DOCK9: variants seen among roughly 807,000 people sequenced by gnomAD.
DOCK9 encodes dedicator of cytokinesis protein 9.
In DOCK9, 89 loss-of-function variants were observed where a neutral mutation model predicts 263.3. The ratio of observed to expected loss-of-function variants is 0.34; its 90% CI spans 0.28 to 0.40. DOCK9 has a LOEUF of 0.40. DOCK9 is among the 10% of genes least tolerant of loss of function. DOCK9 has a pLI of 1.00. For synonymous variants in DOCK9, 976 were observed against 973.1 expected (o/e 1.00, Z -0.06); for missense variants, 2,140 against 2,603.4 (o/e 0.82, Z 3.87).
chr13:99,075,682 CT>C (rs5806093), intron 1 of DOCK9, among the ~76,000 whole-genome samples: 37,495 of 148,462 alleles, frequency 0.25, 4,611 homozygotes, highest in Middle Eastern at 0.36. Context: ...CTATTTATAA[CT>C]TTTTTTTTTT....
At chr13:98,907,479 T>A (rs927093336) in intron 9 of DOCK9, among the ~76,000 whole-genome samples, 1 of 152,096 alleles carries the variant, frequency 6.6e-6, no homozygotes, top group Non-Finnish European at 1.5e-5. Flanking sequence ...CAAATAGGAA[T>A]GCAGACACAA....
intron 1 of DOCK9, among the ~76,000 whole-genome samples, chr13:99,064,262 A>C (rs1404334867): frequency 1.3e-5 from 2 of 152,222 alleles, no homozygotes; most frequent in Non-Finnish European, 2.9e-5. Context: ...GAAAATAATG[A>C]AACAGAGAGA....
Position 98,836,628 on chromosome 13 carries a change from T to C in DOCK9, c.4314+866A>G, listed in dbSNP as rs371163921. The stretch of plus-strand genomic sequence containing the variant: ...TTTTCTTTAAGCTCTCATTTCCCAG[T>C]CTCTCAACTGGGCTCCTAGTAATGA... On this transcript the variant is annotated intron_variant, in intron 39 of 52. Coordinates refer to ENST00000682017, the MANE Select transcript of DOCK9 (RefSeq NM_001366683.2). 2.0e-5 allele frequency among the ~76,000 whole-genome samples: 3 copies of C among 152,204 alleles called. No individual in the cohort carries two copies. The East Asian group carries it at 5.8e-4, about 29-fold the overall frequency.
chr13:99,035,623 A>C (rs1887792509), intron 1 of DOCK9, among the ~76,000 whole-genome samples: 1 of 152,226 alleles, frequency 6.6e-6, no homozygotes, highest in Non-Finnish European at 1.5e-5. Context: ...TGGGACCCCA[A>C]AATGGTAGAG....
Position 98,824,729 on chromosome 13 carries a change from T to A in DOCK9, c.5024-225A>T, listed in dbSNP as rs184904186. 2.1e-4 allele frequency among the ~76,000 whole-genome samples: 32 copies of A among 152,356 alleles called. No individual in the cohort carries two copies. The East Asian group carries it at 6.2e-3, about 29-fold the overall frequency. The stretch of plus-strand genomic sequence containing the variant: ...ACTTTCTTTTCCTTATCCCTTTTTA[T>A]CTACCTTTATTAAAATGTATGCAAT... On this transcript the variant is annotated intron_variant, in intron 44 of 52. Transcript: ENST00000682017.
intron 1 of DOCK9, among the ~76,000 whole-genome samples, chr13:99,067,979 C>T (rs779471354): frequency 1.3e-5 from 2 of 151,488 alleles, no homozygotes; most frequent in Non-Finnish European, 2.9e-5. Flanking sequence ...AAATAGAGTT[C>T]CCTAAGCCTA....
At chr13:98,992,574 T>C (rs988562793) in intron 1 of DOCK9, among the ~76,000 whole-genome samples, 2 of 152,214 alleles carry the variant, frequency 1.3e-5, no homozygotes, top group African/African-American at 4.8e-5. Flanking sequence ...GTTTTTCCCC[T>C]GCTGTTCTCA....
In DOCK9 at chr13:98,853,499, T is replaced by G. The variant is rs2093626545; in HGVS notation, c.3855A>C (p.Gly1285=). The G allele has an allele frequency of 6.2e-7, 1 of 1,613,516 alleles. No homozygotes were observed. The highest frequency in any genetic ancestry group is 8.5e-7 in the Non-Finnish European group (1 of 1,179,742). ...LDKHQQSSTL[G]NSVVRCDKLD... is the part of the protein sequence containing the mutation. The stretch of plus-strand genomic sequence containing the variant: ...GTTTATCACAGCGAACCACGGAATT[T>G]CCCAATGTGCTACTTTGTTGGTGCT... Residue 1285 remains glycine, a synonymous_variant, in exon 35 of 53, where the codon GGA becomes GGC. Coordinates refer to ENST00000682017, the MANE Select transcript of DOCK9 (RefSeq NM_001366683.2).
chr13:98,906,425 C>T (rs781087136), intron 9 of DOCK9, among the ~76,000 whole-genome samples: 4 of 152,176 alleles, frequency 2.6e-5, no homozygotes, highest in Non-Finnish European at 5.9e-5. Flanking sequence ...TCATCTCCAT[C>T]TTTATGATTT....
At chr13:98,943,010 A>G (rs2056190036) in intron 2 of DOCK9, among the ~76,000 whole-genome samples, 1 of 152,034 alleles carries the variant, frequency 6.6e-6, no homozygotes, top group Non-Finnish European at 1.5e-5. Context: ...TTCCTTCGGG[A>G]CTTGTCTTAG....
chr13:98,868,425 A>T, intron 27 of DOCK9, 48 bp from the exon 28 acceptor site: 1 of 1,544,598 alleles, frequency 6.5e-7, no homozygotes, highest in Non-Finnish European at 8.8e-7. Context: ...AGTTGCAATC[A>T]TTTGGGAGGA....
At chr13:99,064,522 C>A (rs1469438202) in intron 1 of DOCK9, among the ~76,000 whole-genome samples, 1 of 152,126 alleles carries the variant, frequency 6.6e-6, no homozygotes, top group African/African-American at 2.4e-5. Flanking sequence ...TAAAAATGAA[C>A]CGGGGCCCCC....
At chr13:99,005,040 G>C (rs1883078044) in intron 1 of DOCK9, among the ~76,000 whole-genome samples, 1 of 151,374 alleles carries the variant, frequency 6.6e-6, no homozygotes, top group African/African-American at 2.4e-5. Context: ...ATTTTGCTGG[G>C]ACTTCTTTTG....
intron 1 of DOCK9, among the ~76,000 whole-genome samples, chr13:99,007,603 C>T (rs1034367513): frequency 6.6e-6 from 1 of 152,026 alleles, no homozygotes; most frequent in Non-Finnish European, 1.5e-5. Context: ...GGGTGAAGAC[C>T]TCTCAGAACA....
chr13:99,040,325 T>C (rs956850103), intron 1 of DOCK9, among the ~76,000 whole-genome samples: 43 of 152,274 alleles, frequency 2.8e-4, no homozygotes, highest in African/African-American at 9.9e-4. Context: ...GGCATTTTGT[T>C]ACAGCAGCCC....
At chr13:98,955,304 G>T in intron 2 of DOCK9, 131 bp downstream of exon 2, 1 of 580,478 alleles carries the variant, frequency 1.7e-6, no homozygotes, top group Non-Finnish European at 2.7e-6. Flanking sequence ...GCGTGACAGA[G>T]CAAGACTGTG....
chr13:98,814,990 TAAAATAAC>T (rs2091713010), intron 45 of DOCK9, among the ~76,000 whole-genome samples: 1 of 148,314 alleles, frequency 6.7e-6, no homozygotes, highest in Non-Finnish European at 1.5e-5. Context: ...TAAAATAAAA[TAAAATAAC>T]CTTAATTTTT....
Position 98,831,468 on chromosome 13 carries a change from G to T in DOCK9, c.4515C>A (p.Leu1505=). 6.3e-7 allele frequency: 1 copy of T among 1,595,092 alleles called. No individual in the cohort carries two copies. The highest frequency in any genetic ancestry group is 2.3e-5 in the East Asian group (1 of 44,268). The change falls in exon 41 of 53, where the codon CTC becomes CTA. Residue 1505 remains leucine, a synonymous_variant. Coordinates refer to ENST00000682017, the MANE Select transcript of DOCK9 (RefSeq NM_001366683.2). ...AGCTCAGCTTGGAGTTACAGCACTT[G>T]AGAATCTCGTAACACAGAGCCGCAC... ...DMCAALCYEI[L]KCCNSKLSSI...
chr13:98,871,578 A>G (rs1161679023), intron 27 of DOCK9, among the ~76,000 whole-genome samples: 1 of 152,256 alleles, frequency 6.6e-6, no homozygotes, highest in Non-Finnish European at 1.5e-5. Context: ...GAATGTTTTT[A>G]TGGAGATTAC....
Sources: gnomAD v4.1 joint callset for allele counts (sites outside exome capture counted in the v4.1 genomes callset) on GRCh38, gnomAD v4.1.1 for gene constraint, MANE v1.5 for transcripts, NCBI Gene and HGNC (gene_info 2026-07-23, HGNC 2026-07-21) for gene names.